The following YARS2 variants were observed in gnomAD, a reference collection of about 807,000 sequenced individuals.
YARS2 encodes the protein tyrosyl-tRNA synthetase 2.
In YARS2, 38 loss-of-function variants were observed where a neutral mutation model predicts 45.0. The ratio of observed to expected loss-of-function variants is 0.84; its 90% CI spans 0.65 to 1.11. The LOEUF (loss-of-function observed/expected upper bound fraction) is 1.11, where lower values mean the gene tolerates loss of function less well. YARS2 is among the 50% of genes least tolerant of loss of function. YARS2 has a pLI of 0.00. For missense variants in YARS2, 602 were observed against 599.8 expected, an observed-to-expected ratio of 1.00 and a Z score of -0.04; for synonymous variants, 287 against 245.1, an observed-to-expected ratio of 1.17 and a Z score of -1.60.
In YARS2 at chr12:32,749,980, C is replaced by T. The variant is rs751333207; in HGVS notation, c.1231G>A (p.Asp411Asn). ...ATGGCATTTGCTTTGCGGCAAGTAT[C>T]TAGGACACTTGTTCCAGGATCGAGA... Reference protein sequence around the residue: ...FFLDPGTSVLDTCRKANAIPD... With the variant: ...FFLDPGTSVLNTCRKANAIPD... The change falls in exon 4 of 5, where the codon GAT becomes AAT. Residue 411 changes from aspartate (D) to asparagine (N), a missense_variant. By Grantham distance (23) the Asp-to-Asn change is conservative. Transcript: ENST00000324868. The T allele has an allele frequency of 6.2e-7, 1 of 1,614,108 alleles. No homozygotes were observed. The highest frequency in any genetic ancestry group is 8.5e-7 in the Non-Finnish European group (1 of 1,180,012).
chr12:32,754,774 G>T (rs148382511), intron 1 of YARS2, among the ~76,000 whole-genome samples: 6 of 149,552 alleles, frequency 4.0e-5, no homozygotes, highest in African/African-American at 1.5e-4. Context: ...GAGTGCAGTG[G>T]CGCGATCTCG....
intron 2 of YARS2, among the ~76,000 whole-genome samples, chr12:32,751,853 G>A (rs568751610): frequency 6.6e-6 from 1 of 152,328 alleles, no homozygotes; most frequent in East Asian, 1.9e-4. Flanking sequence ...CTCAGCTCCT[G>A]TTGCGCAGCC....
rs1400175740 is a variant in YARS2 at position 32,747,336 on chromosome 12, G to A, written c.1302C>T (p.Val434=). 5 of 1,613,962 alleles carry A rather than the reference G, an allele frequency of 3.1e-6. No individual in the cohort carries two copies. Among genetic ancestry groups the A allele is most frequent in the Non-Finnish European group, 4.2e-6 (5 of 1,180,022 alleles). ...TTGTTACTTGTTGGTGATTTATGCT[G>A]ACTCCGCCTTCTGTTATCATTCGAT... ...RGYRMITEGG[V]SINHQQVTNP... Residue 434 remains valine, a synonymous_variant, in exon 5 of 5, where the codon GTC becomes GTT. Transcript: ENST00000324868.
At chr12:32,754,578 AGCAGAG>A (rs1955809061) in intron 1 of YARS2, among the ~76,000 whole-genome samples, 1 of 152,230 alleles carries the variant, frequency 6.6e-6, no homozygotes. Flanking sequence ...GCAGAGCTAA[AGCAGAG>A]GCTAGCTACT....
Position 32,747,164 on chromosome 12 carries a change from T to G in YARS2, c.*40A>C. 6.2e-7 allele frequency: 1 copy of G among 1,607,986 alleles called. No individual in the cohort carries two copies. Among genetic ancestry groups the G allele is most frequent in the Non-Finnish European group, 8.5e-7 (1 of 1,176,968 alleles). ...ACCCTTCAGAGGTCTTGAGAATGAATGATGGGTAAGTTTATTTGGACAACC... is the reference window on the plus strand; with the variant it reads ...ACCCTTCAGAGGTCTTGAGAATGAAGGATGGGTAAGTTTATTTGGACAACC... On this transcript the variant is annotated 3_prime_UTR_variant, in exon 5 of 5. Coordinates refer to ENST00000324868, the MANE Select transcript of YARS2 (RefSeq NM_001040436.3).
rs1175154261 is a variant in YARS2, at chr12:32,750,809, T to C, written c.1013A>G (p.Lys338Arg). 1 of 1,614,182 alleles carries C rather than the reference T, an allele frequency of 6.2e-7. No homozygotes were observed. Among genetic ancestry groups the C allele is most frequent in the Admixed American group, 1.7e-5 (1 of 60,024 alleles). ...CTGAGGACCCCGCCTTTCTGGCTCT[T>C]TGACATGCAGCTGCATGATATGATC... Reference protein sequence around the residue: ...EIDHIMQLHVKEPERRGPQKR... With the variant: ...EIDHIMQLHVREPERRGPQKR... The change falls in exon 3 of 5, where the codon AAA becomes AGA. Residue 338 changes from lysine to arginine, a missense_variant. By Grantham distance (26) the Lys-to-Arg change is conservative. Coordinates refer to ENST00000324868, the MANE Select transcript of YARS2 (RefSeq NM_001040436.3).
intron 4 of YARS2, among the ~76,000 whole-genome samples, chr12:32,749,001 A>G (rs562675619): frequency 3.7e-4 from 57 of 152,160 alleles, no homozygotes; most frequent in Non-Finnish European, 6.9e-4. Flanking sequence ...AACCTTATTT[A>G]CTCCTTAATA....
Position 32,755,439 on chromosome 12 carries a change from G to C in YARS2, c.436C>G (p.Leu146Val). 6.2e-7 allele frequency: 1 copy of C among 1,613,254 alleles called. No individual in the cohort carries two copies. Among genetic ancestry groups the C allele is most frequent in the East Asian group, 2.2e-5 (1 of 44,854 alleles). ...TTAGCCGCCAGGGCCTCAAGCCCTAGGCGCAGAGCTCGCGCGTTGGCTCGC... is the reference window on the plus strand; with the variant it reads ...TTAGCCGCCAGGGCCTCAAGCCCTACGCGCAGAGCTCGCGCGTTGGCTCGC... ...RVRANARALR[L>V]GLEALAANHQ... Residue 146 changes from leucine (L) to valine (V), a missense_variant, in exon 1 of 5, where the codon CTA becomes GTA. Transcript: ENST00000324868.
Position 32,753,939 on chromosome 12 carries a change from T to G in YARS2, c.926A>C (p.Gln309Pro). The G allele has an allele frequency of 1.2e-6, 2 of 1,614,220 alleles. No individual in the cohort carries two copies. Among genetic ancestry groups the G allele is most frequent in the Non-Finnish European group, 1.7e-6 (2 of 1,180,038 alleles). ...PFELYQFFVR[Q>P]PDDSVERYLK... is the part of the protein sequence containing the mutation. ...TCACCTTTCCACTGAATCGTCCGGT[T>G]GCCTGACAAAGAATTGATACAATTC... Residue 309 changes from glutamine (Q) to proline (P), a missense_variant, in exon 2 of 5, where the codon CAA becomes CCA. Coordinates refer to ENST00000324868, the MANE Select transcript of YARS2 (RefSeq NM_001040436.3).
chr12:32,755,518 C>T lies in YARS2; in HGVS notation c.357G>A (p.Leu119=). 2.5e-6 allele frequency: 4 copies of T among 1,612,840 alleles called. No homozygotes were observed. The highest frequency in any genetic ancestry group is 1.7e-6 in the Non-Finnish European group (2 of 1,179,674). The change falls in exon 1 of 5, where the codon CTG becomes CTA. Residue 119 remains leucine (L), a synonymous_variant. Coordinates refer to ENST00000324868, the MANE Select transcript of YARS2 (RefSeq NM_001040436.3). Reference sequence around the variant, plus strand: ...CCTTGGTACGGCCGCTCGGGTCTCCCAGGCGCGCCGTGGCGCCTCCCACCA... The same window carrying T: ...CCTTGGTACGGCCGCTCGGGTCTCCTAGGCGCGCCGTGGCGCCTCCCACCA... ...IALVGGATAR[L]GDPSGRTKER...
At chr12:32,750,691 T>G (rs375649670) in intron 3 of YARS2, 28 bp downstream of exon 3, 21 of 1,612,386 alleles carry the variant, frequency 1.3e-5, no homozygotes, top group Non-Finnish European at 1.7e-5. Flanking sequence ...TAACTAACTA[T>G]CAAGTGTTAA....
intron 3 of YARS2, 149 bp downstream of exon 3, chr12:32,750,570 C>T: frequency 1.8e-5 from 19 of 1,031,052 alleles, no homozygotes; most frequent in Non-Finnish European, 2.7e-5. Flanking sequence ...TCCTTCTTTC[C>T]AATAAACAGG....
intron 2 of YARS2, among the ~76,000 whole-genome samples, chr12:32,753,096 T>C (rs746457675): frequency 2.0e-5 from 3 of 151,936 alleles, no homozygotes; most frequent in Non-Finnish European, 4.4e-5. Context: ...GGTTTATCGC[T>C]TGAGTCCAGG....
intron 4 of YARS2, among the ~76,000 whole-genome samples, chr12:32,749,407 A>G (rs188850889): frequency 4.6e-5 from 7 of 152,312 alleles, no homozygotes; most frequent in African/African-American, 1.7e-4. Flanking sequence ...GTTAGATATA[A>G]TAAGAGACAG....
chr12:32,755,528 G>A lies in YARS2; in HGVS notation c.347C>T (p.Thr116Met), dbSNP rs995703439. 1.9e-5 allele frequency: 30 copies of A among 1,613,006 alleles called. No homozygotes were observed. The highest frequency in any genetic ancestry group is 2.2e-5 in the Non-Finnish European group (26 of 1,179,730). Residue 116 changes from threonine (T) to methionine (M), a missense_variant, in exon 1 of 5, where the codon ACG becomes ATG. Physicochemically the swap from Thr to Met is moderately conservative, Grantham distance 81. Transcript: ENST00000324868. ...HNVIALVGGA[T>M]ARLGDPSGRT... ...GCCGCTCGGGTCTCCCAGGCGCGCC[G>A]TGGCGCCTCCCACCAGCGCGATCAC...
chr12:32,750,838 C>T lies in YARS2; in HGVS notation c.984G>A (p.Glu328=), dbSNP rs763600084. The T allele has an allele frequency of 1.2e-6, 2 of 1,614,152 alleles. No individual in the cohort carries two copies. Among genetic ancestry groups the T allele is most frequent in the Middle Eastern group, 1.6e-4 (1 of 6,062 alleles). The change falls in exon 3 of 5, where the codon GAG becomes GAA. Residue 328 remains glutamate (E), a synonymous_variant. Transcript: ENST00000324868. The part of the protein sequence containing the change: ...LKLFTFLPLP[E]IDHIMQLHVK... ...CATGCAGCTGCATGATATGATCAATCTCTGGAAGGGGCAGGAAAGTGAACA... is the reference window on the plus strand; with the variant it reads ...CATGCAGCTGCATGATATGATCAATTTCTGGAAGGGGCAGGAAAGTGAACA...
In YARS2 at chr12:32,755,057, T is replaced by C. The variant is rs557306094; in HGVS notation, c.779+39A>G. 1.9e-6 allele frequency: 3 copies of C among 1,613,248 alleles called. No homozygotes were observed. In the South Asian group the frequency reaches 3.3e-5, roughly 18 times the overall value. Reference sequence around the variant, plus strand: ...TCACAGGCTACTAGTGTGTAAATTATTTGGTCCCAGGATTTCCCCAAGGTT... The same window carrying C: ...TCACAGGCTACTAGTGTGTAAATTACTTGGTCCCAGGATTTCCCCAAGGTT... On this transcript the variant is annotated intron_variant, in intron 1 of 4. Transcript: ENST00000324868.
At chr12:32,750,970 A>T in intron 2 of YARS2, 96 bp from the exon 3 acceptor site, 1 of 1,403,750 alleles carries the variant, frequency 7.1e-7, no homozygotes, top group Non-Finnish European at 9.8e-7. Context: ...TTACTTTTAA[A>T]TATGAAACAA....
At chr12:32,753,878 T>G (rs761245120) in intron 2 of YARS2, 40 bp downstream of exon 2, 1 of 1,610,962 alleles carries the variant, frequency 6.2e-7, no homozygotes, top group Middle Eastern at 1.7e-4. Context: ...ATCATGAGTT[T>G]ATGGTGTCAG....
Sources: gnomAD v4.1 joint callset for allele counts (sites outside exome capture counted in the v4.1 genomes callset) on GRCh38, gnomAD v4.1.1 for gene constraint, MANE v1.5 for transcripts, NCBI Gene and HGNC (gene_info 2026-07-23, HGNC 2026-07-21) for gene names.